Variants in SLC4A1AP observed in about 807,000 individuals in gnomAD.
The protein encoded by SLC4A1AP is kanadaptin.
In SLC4A1AP, 64 loss-of-function variants were observed where a neutral mutation model predicts 89.7. That is an observed-to-expected ratio of 0.71 (90% CI 0.58 to 0.88). The LOEUF (loss-of-function observed/expected upper bound fraction) is 0.88, where lower values mean the gene tolerates loss of function less well. SLC4A1AP is among the 40% of genes least tolerant of loss of function. SLC4A1AP has a pLI of 0.00. For synonymous variants in SLC4A1AP, 366 were observed against 353.3 expected (o/e 1.04, Z -0.40); for missense variants, 931 against 965.0 (o/e 0.96, Z 0.47).
chr2:27,678,324 C>G (rs1416406162), intron 8 of SLC4A1AP, among the ~76,000 whole-genome samples: 1 of 152,058 alleles, frequency 6.6e-6, no homozygotes, highest in Non-Finnish European at 1.5e-5. Flanking sequence ...GCAGGCAGAT[C>G]ACTTTCAAGA....
Position 27,670,815 on chromosome 2 carries a change from C to T in SLC4A1AP, c.1345+1428C>T, listed in dbSNP as rs553584863. Reference sequence around the variant, plus strand: ...GGCAGAGTTTTCATTGAGCCGAGATCGCGCCACTGCACTGCAGCCTGGGTG... The same window carrying T: ...GGCAGAGTTTTCATTGAGCCGAGATTGCGCCACTGCACTGCAGCCTGGGTG... On this transcript the variant is annotated intron_variant, in intron 5 of 13. Coordinates refer to ENST00000613058, the Ensembl canonical transcript of SLC4A1AP. Among the ~76,000 whole-genome samples, 24 of 151,626 alleles carry T rather than the reference C, an allele frequency of 1.6e-4. No homozygotes were observed. The East Asian group carries it at 1.8e-3, about 11-fold the overall frequency.
intron 5 of SLC4A1AP, among the ~76,000 whole-genome samples, chr2:27,670,307 A>G (rs1003670399): frequency 1.3e-5 from 2 of 151,786 alleles, no homozygotes; most frequent in African/African-American, 4.8e-5. Context: ...CGTATCACGA[A>G]TATTACATCA....
intron 8 of SLC4A1AP, among the ~76,000 whole-genome samples, chr2:27,678,948 C>G (rs112168692): frequency 0.031 from 4,666 of 152,004 alleles, 174 homozygotes; most frequent in African/African-American, 0.088. Flanking sequence ...GAACTCCTGG[C>G]CTCAAGGTAT....
chr2:27,673,976 A>C (rs115214763), intron 5 of SLC4A1AP, among the ~76,000 whole-genome samples: 2,560 of 150,302 alleles, frequency 0.017, 80 homozygotes, highest in African/African-American at 0.058. Context: ...CAGCATCACC[A>C]GGACATATAC....
At chr2:27,686,250 T>G (rs905443714) in intron 10 of SLC4A1AP, among the ~76,000 whole-genome samples, 1 of 152,232 alleles carries the variant, frequency 6.6e-6, no homozygotes, top group Non-Finnish European at 1.5e-5. Flanking sequence ...AGTTACTGTT[T>G]CCTCATCTGT....
chr2:27,665,915 A>G (rs560443957), intron 2 of SLC4A1AP, among the ~76,000 whole-genome samples: 1 of 152,360 alleles, frequency 6.6e-6, no homozygotes, highest in Admixed American at 6.5e-5. Flanking sequence ...GCTAGAAACC[A>G]TAAGTATGCT....
intron 5 of SLC4A1AP, among the ~76,000 whole-genome samples, chr2:27,672,216 G>A (rs1482064282): frequency 6.6e-6 from 1 of 152,034 alleles, no homozygotes; most frequent in East Asian, 1.9e-4. Flanking sequence ...CTGCAATTAT[G>A]TCATTAATTG....
At chr2:27,663,914 G>A (rs1049200478) in exon 1 of SLC4A1AP, 2 of 1,614,164 alleles carry the variant, frequency 1.2e-6, no homozygotes, top group Non-Finnish European at 1.7e-6. Context: ...ACCGGTTGAG[G>A]ATGGCTGACA....
At chr2:27,664,171 C>T (rs749720707) in exon 1 of SLC4A1AP, 3 of 1,614,188 alleles carry the variant, frequency 1.9e-6, no homozygotes, top group East Asian at 2.2e-5. Flanking sequence ...CGCCCCCCGA[C>T]AGCGGTTTCT....
intron 10 of SLC4A1AP, 139 bp downstream of exon 10, chr2:27,685,416 A>G (rs1675689607): frequency 1.7e-6 from 2 of 1,151,282 alleles, no homozygotes; most frequent in Non-Finnish European, 2.4e-6. Context: ...AAGGAAACAT[A>G]CTTTCTTGGT....
At chr2:27,668,569 C>G in intron 3 of SLC4A1AP, 2 of 601,200 alleles carry the variant, frequency 3.3e-6, no homozygotes, top group Middle Eastern at 4.3e-4. Context: ...CCGGCCTTAG[C>G]CCCCGTAGTA....
At chr2:27,687,473 C>T (rs1279981345) in intron 10 of SLC4A1AP, among the ~76,000 whole-genome samples, 2 of 152,096 alleles carry the variant, frequency 1.3e-5, no homozygotes, top group East Asian at 3.9e-4. Flanking sequence ...TGCCTGTAGT[C>T]CTAGCTACTC....
Position 27,668,996 on chromosome 2 carries a change from C to G in SLC4A1AP, c.1205+93C>G. The G allele has an allele frequency of 2.3e-6, 3 of 1,280,280 alleles. No homozygotes were observed. In the South Asian group the frequency reaches 3.9e-5, roughly 16 times the overall value. The allele number at this position is 1,280,280 out of a possible 1,614,324, so 79.3% of individuals were successfully genotyped here. ...AGATAACAACCCAAAGAGTAACTTT[C>G]ATCTAAGTTTAAGCTATTTCTAAAT... On this transcript the variant is annotated intron_variant, in intron 4 of 13. Coordinates refer to ENST00000613058, the Ensembl canonical transcript of SLC4A1AP.
chr2:27,663,911 G>A, exon 1 of SLC4A1AP: 1 of 1,614,186 alleles, frequency 6.2e-7, no homozygotes, highest in Non-Finnish European at 8.5e-7. Flanking sequence ...TGCACCGGTT[G>A]AGGATGGCTG....
chr2:27,693,530 T>C (rs1299227067), intron 12 of SLC4A1AP, 155 bp from the exon 13 acceptor site: 1 of 593,676 alleles, frequency 1.7e-6, no homozygotes, highest in Non-Finnish European at 3.0e-6. Context: ...TTATTTCTCT[T>C]TCATTCATGA....
chr2:27,668,729 C>T, intron 3 of SLC4A1AP, 114 bp from the exon 4 acceptor site: 1 of 958,684 alleles, frequency 1.0e-6, no homozygotes, highest in Non-Finnish European at 1.7e-6. Flanking sequence ...GGATTACAGG[C>T]GTGAGCCACT....
At chr2:27,687,692 TAGTA>T (rs1432506809) in intron 10 of SLC4A1AP, among the ~76,000 whole-genome samples, 1 of 152,238 alleles carries the variant, frequency 6.6e-6, no homozygotes. Context: ...TTGAGGCTTT[TAGTA>T]AGTATTGCTA....
chr2:27,670,339 CATTA>C (rs1358347512), intron 5 of SLC4A1AP, among the ~76,000 whole-genome samples: 1 of 151,690 alleles, frequency 6.6e-6, no homozygotes, highest in Non-Finnish European at 1.5e-5. Context: ...TGTATCAATA[CATTA>C]ATTGTGTATT....
At chr2:27,668,657 A>T (rs2148131380) in intron 3 of SLC4A1AP, 186 bp from the exon 4 acceptor site, 2 of 699,294 alleles carry the variant, frequency 2.9e-6, no homozygotes, top group East Asian at 5.4e-5. Context: ...GCCATGTTGC[A>T]CAGACTGGTT....
Sources: allele counts gnomAD v4.1 joint callset (sites outside exome capture counted in the v4.1 genomes callset), GRCh38; gene constraint gnomAD v4.1.1; transcripts MANE v1.5; gene names NCBI Gene and HGNC (gene_info 2026-07-23, HGNC 2026-07-21).